Variants in ITGA6 observed in about 807,000 individuals in gnomAD.
The protein encoded by ITGA6 is integrin alpha-6.
ITGA6 carries 63 observed loss-of-function variants against 133.6 expected under a neutral mutation model. The observed-to-expected ratio is 0.47, with a 90% CI of 0.38 to 0.58. ITGA6 has a LOEUF of 0.58. Among genes scored for constraint, ITGA6 ranks in the 20% least tolerant of loss-of-function variants. The pLI is 0.00. For missense variants in ITGA6, 1,068 were observed against 1,309.4 expected (o/e 0.82, Z 2.85); for synonymous variants, 434 against 482.0 (o/e 0.90, Z 1.30).
chr2:172,470,039 C>A (rs1685852263), intron 4 of ITGA6, among the ~76,000 whole-genome samples: 1 of 152,208 alleles, frequency 6.6e-6, no homozygotes, highest in South Asian at 2.1e-4. Context: ...GACAACCTAA[C>A]TCTCATCCAT....
Position 172,428,109 on chromosome 2 carries a change from C to T in ITGA6, c.182+139C>T, listed in dbSNP as rs183620611. On this transcript the variant is annotated intron_variant, in intron 1 of 25. Transcript: ENST00000684293. ...CCCGGGCCGGCCGAGGCGCACCCAG[C>T]GCCCAGCGCGCTCGGCTCCCCGCCC... The T allele has an allele frequency of 2.6e-3, 1,955 of 743,164 alleles. 8 individuals are homozygous for T. The highest frequency in any genetic ancestry group is 4.1e-3 in the South Asian group (78 of 18,896). 46.0% of individuals were successfully genotyped at this position (743,164 alleles called of 1,614,324 possible).
chr2:172,506,141 A>C lies in ITGA6; in HGVS notation c.*2073A>C, dbSNP rs781397334. On this transcript the variant is annotated 3_prime_UTR_variant, in exon 26 of 26. Coordinates refer to ENST00000684293, the MANE Select transcript of ITGA6 (RefSeq NM_000210.4). ...ATTGTAAAATTATTTCATGATTAGA[A>C]ATTACCTGTGGATATTTGTATAAAA... The C allele has an allele frequency of 9.8e-5, 15 of 152,648 alleles. No homozygotes were observed. Among genetic ancestry groups the C allele is most frequent in the Non-Finnish European group, 1.9e-4 (13 of 68,030 alleles). The allele number at this position is 152,648 out of a possible 1,614,324, so 9.5% of individuals were successfully genotyped here. A position where few individuals can be genotyped will look rare whatever the true frequency, so the allele number is the denominator to read the frequency against.
At position 172,487,469 on chromosome 2, in the gene ITGA6, G is replaced by T; in HGVS notation, c.2160+16G>T. ...GGCTTTCCCTGTAAGTATTGTTAGA[G>T]ACCAGCTGAGAGGGGAAAAAAATCA... On this transcript the variant is annotated intron_variant, in intron 15 of 25. Coordinates refer to ENST00000684293, the MANE Select transcript of ITGA6 (RefSeq NM_000210.4). 1 of 1,612,582 alleles carries T rather than the reference G, an allele frequency of 6.2e-7. No homozygotes were observed. The highest frequency in any genetic ancestry group is 8.5e-7 in the Non-Finnish European group (1 of 1,178,640).
chr2:172,437,908 T>C (rs1321542858), intron 1 of ITGA6, among the ~76,000 whole-genome samples: 1 of 151,752 alleles, frequency 6.6e-6, no homozygotes, highest in Non-Finnish European at 1.5e-5. Context: ...AGATCAGTTA[T>C]ATCAAATGAC....
intron 1 of ITGA6, among the ~76,000 whole-genome samples, chr2:172,454,581 G>A (rs1685140344): frequency 6.6e-6 from 1 of 152,314 alleles, no homozygotes; most frequent in South Asian, 2.1e-4. Flanking sequence ...TGGTGTCTGA[G>A]CACAACTGAA....
chr2:172,436,240 A>G (rs1322348513), intron 1 of ITGA6, among the ~76,000 whole-genome samples: 3 of 152,306 alleles, frequency 2.0e-5, no homozygotes, highest in East Asian at 1.9e-4. Flanking sequence ...GGAGACACCT[A>G]TTGAATTAGA....
At chr2:172,472,887 C>T in intron 5 of ITGA6, 3 of 1,591,016 alleles carry the variant, frequency 1.9e-6, no homozygotes, top group Non-Finnish European at 2.6e-6. Context: ...GAATAGCTAC[C>T]TAGGTTTGTG....
rs185769808 is a variant in ITGA6 at position 172,498,884 on chromosome 2, C to T, written c.3114+784C>T. On this transcript the variant is annotated intron_variant, in intron 24 of 25. Coordinates refer to ENST00000684293, the MANE Select transcript of ITGA6 (RefSeq NM_000210.4). ...TGACTTATTTGGCAATAAAACCTGACGTGATGTGAAGAGAGGCTACTTCGA... is the reference window on the plus strand; with the variant it reads ...TGACTTATTTGGCAATAAAACCTGATGTGATGTGAAGAGAGGCTACTTCGA... Among the ~76,000 whole-genome samples the T allele has an allele frequency of 1.9e-3, 296 of 152,226 alleles. 1 individual carries two copies. The highest frequency in any genetic ancestry group is 3.0e-3 in the Non-Finnish European group (205 of 68,008).
Position 172,469,274 on chromosome 2 carries a change from G to A in ITGA6, c.537G>A (p.Leu179=). 6.2e-7 allele frequency: 1 copy of A among 1,614,138 alleles called. No individual in the cohort carries two copies. Among genetic ancestry groups the A allele is most frequent in the Non-Finnish European group, 8.5e-7 (1 of 1,180,002 alleles). The change falls in exon 4 of 26, where the codon TTG becomes TTA. Residue 179 remains leucine (L), a synonymous_variant. Coordinates refer to ENST00000684293, the MANE Select transcript of ITGA6 (RefSeq NM_000210.4). ...GGDWSFCDGR[L]RGHEKFGSCQ... ...ATTGGAGCTTTTGTGATGGGCGATTGAGAGGCCATGAGAAATTTGGCTCTT... is the reference window on the plus strand; with the variant it reads ...ATTGGAGCTTTTGTGATGGGCGATTAAGAGGCCATGAGAAATTTGGCTCTT...
intron 24 of ITGA6, among the ~76,000 whole-genome samples, chr2:172,499,990 C>T (rs968060041): frequency 1.3e-5 from 2 of 152,056 alleles, no homozygotes; most frequent in South Asian, 2.1e-4. Context: ...CTCTAAAATA[C>T]GACTTATACA....
chr2:172,483,708 C>T (rs978156694), intron 11 of ITGA6, among the ~76,000 whole-genome samples: 6 of 152,198 alleles, frequency 3.9e-5, no homozygotes, highest in African/African-American at 1.4e-4. Context: ...TGCCTTCTAG[C>T]CCAGTGCAAG....
intron 2 of ITGA6, among the ~76,000 whole-genome samples, chr2:172,466,827 A>G (rs2149038061): frequency 6.6e-6 from 1 of 152,278 alleles, no homozygotes; most frequent in Admixed American, 6.5e-5. Flanking sequence ...CTGTGTCTGT[A>G]TTGCTACTTA....
chr2:172,437,431 A>G (rs1007846667), intron 1 of ITGA6, among the ~76,000 whole-genome samples: 1 of 152,212 alleles, frequency 6.6e-6, no homozygotes, highest in Admixed American at 6.5e-5. Context: ...GGGACTAGGT[A>G]TCAGTTGGGA....
intron 24 of ITGA6, among the ~76,000 whole-genome samples, chr2:172,500,623 CTG>C (rs1687309979): frequency 6.6e-6 from 1 of 152,132 alleles, no homozygotes; most frequent in Non-Finnish European, 1.5e-5. Flanking sequence ...GAGTGAGACT[CTG>C]TCTCAAAAAA....
intron 1 of ITGA6, among the ~76,000 whole-genome samples, chr2:172,440,087 G>A (rs1452676122): frequency 6.6e-6 from 1 of 152,192 alleles, no homozygotes; most frequent in Non-Finnish European, 1.5e-5. Context: ...TCACTGTTGT[G>A]TGGGTGTTTG....
chr2:172,494,372 G>A (rs1687043775), intron 23 of ITGA6, among the ~76,000 whole-genome samples: 1 of 152,122 alleles, frequency 6.6e-6, no homozygotes, highest in Non-Finnish European at 1.5e-5. Flanking sequence ...GCCAGGTGGG[G>A]TGGCACATGC....
At chr2:172,479,942 C>G in intron 10 of ITGA6, 48 bp from the exon 11 acceptor site, 1 of 1,322,322 alleles carries the variant, frequency 7.6e-7, no homozygotes, top group Non-Finnish European at 1.1e-6. Flanking sequence ...GGGTTTTTTC[C>G]ACTGCAATAA....
At position 172,487,407 on chromosome 2, in the gene ITGA6, C is replaced by G. The variant is rs774792278; in HGVS notation, c.2114C>G (p.Pro705Arg). The G allele has an allele frequency of 1.2e-6, 2 of 1,614,154 alleles. No homozygotes were observed. The highest frequency in any genetic ancestry group is 2.2e-5 in the South Asian group (2 of 91,078). The stretch of plus-strand genomic sequence containing the variant: ...GAGGCTAAACTGATTGCAACGTTTC[C>G]AGACACTTTAACCTATTCTGCATAT... The part of the protein sequence containing the change: ...AHEAKLIATF[P>R]DTLTYSAYRE... Residue 705 changes from proline (P) to arginine (R), a missense_variant, in exon 15 of 26, where the codon CCA (proline) becomes CGA (arginine). Pro to Arg is a moderately radical substitution (Grantham distance 103). Coordinates refer to ENST00000684293, the MANE Select transcript of ITGA6 (RefSeq NM_000210.4).
intron 5 of ITGA6, among the ~76,000 whole-genome samples, chr2:172,472,400 G>A (rs1685980162): frequency 6.6e-6 from 1 of 152,200 alleles, no homozygotes. Context: ...CAATACTTTG[G>A]TCTTTAAGAT....
Sources: allele counts gnomAD v4.1 joint callset (sites outside exome capture counted in the v4.1 genomes callset), GRCh38; gene constraint gnomAD v4.1.1; transcripts MANE v1.5; gene names NCBI Gene and HGNC (gene_info 2026-07-23, HGNC 2026-07-21).